Variants in NR3C2 observed in about 807,000 individuals in gnomAD.
The protein encoded by NR3C2 is mineralocorticoid receptor.
In NR3C2, 15 loss-of-function variants were observed where a neutral mutation model predicts 86.4. That is an observed-to-expected ratio of 0.17 (90% CI 0.12 to 0.27). NR3C2 has a LOEUF of 0.27. NR3C2 is among the 10% of genes least tolerant of loss of function. The probability of loss-of-function intolerance (pLI) is 1.00; values close to 1 mark genes in which losing one functional copy is unlikely to be tolerated. For synonymous variants in NR3C2, 458 were observed against 450.5 expected (o/e 1.02, Z -0.21); for missense variants, 960 against 1,195.6 (o/e 0.80, Z 2.91).
intron 4 of NR3C2, among the ~76,000 whole-genome samples, chr4:148,157,474 A>T (rs545902890): frequency 6.6e-6 from 1 of 152,300 alleles, no homozygotes; most frequent in South Asian, 2.1e-4. Context: ...GAAATATAAG[A>T]TCACACATCT....
At chr4:148,181,337 C>A (rs1735634759) in intron 4 of NR3C2, among the ~76,000 whole-genome samples, 1 of 152,102 alleles carries the variant, frequency 6.6e-6, no homozygotes, top group African/African-American at 2.4e-5. Flanking sequence ...TAATTAGGAT[C>A]CTTACACTGT....
At chr4:148,193,897 T>C (rs544122003) in intron 4 of NR3C2, among the ~76,000 whole-genome samples, 1 of 152,344 alleles carries the variant, frequency 6.6e-6, no homozygotes, top group East Asian at 1.9e-4. Context: ...CCAATTGTCA[T>C]AGTATTTTCT....
chr4:148,135,102 G>A (rs527869259), intron 6 of NR3C2, among the ~76,000 whole-genome samples: 1 of 152,272 alleles, frequency 6.6e-6, no homozygotes, highest in African/African-American at 2.4e-5. Flanking sequence ...AAGGGGGCAG[G>A]GGCAGCCACT....
chr4:148,128,724 G>A (rs1732867166), intron 6 of NR3C2, among the ~76,000 whole-genome samples: 2 of 152,274 alleles, frequency 1.3e-5, no homozygotes. Context: ...AGTTTTAGGG[G>A]CATGCTTACC....
intron 2 of NR3C2, among the ~76,000 whole-genome samples, chr4:148,370,195 G>A (rs1746346178): frequency 6.6e-6 from 1 of 152,172 alleles, no homozygotes. Context: ...CCTACGAAAG[G>A]AAACCTGAAC....
intron 2 of NR3C2, among the ~76,000 whole-genome samples, chr4:148,388,891 C>G (rs1747401456): frequency 2.0e-5 from 3 of 152,152 alleles, no homozygotes; most frequent in African/African-American, 7.2e-5. Flanking sequence ...TAACATCTAT[C>G]CATAGCAAGC....
At chr4:148,258,760 C>CT (rs1437930205) in intron 3 of NR3C2, among the ~76,000 whole-genome samples, 1 of 152,214 alleles carries the variant, frequency 6.6e-6, no homozygotes, top group Non-Finnish European at 1.5e-5. Context: ...AACGACCTGG[C>CT]TTAAGACCAT....
intron 3 of NR3C2, among the ~76,000 whole-genome samples, chr4:148,195,383 A>G (rs3910054): frequency 0.74 from 112,933 of 152,182 alleles, 42,940 homozygotes; most frequent in African/African-American, 0.92. Context: ...TTAGAGAGTG[A>G]CATCTATTGG....
chr4:148,201,140 C>T (rs966161492), intron 3 of NR3C2: 2 of 152,180 alleles, frequency 1.3e-5, no homozygotes, highest in Non-Finnish European at 2.9e-5. Context: ...TCTGTAGAGC[C>T]TGCACAGTCA....
intron 6 of NR3C2, among the ~76,000 whole-genome samples, chr4:148,142,751 T>C (rs139385008): frequency 4.6e-4 from 70 of 152,346 alleles, no homozygotes; most frequent in African/African-American, 1.7e-3. Context: ...TCCGCCTGCA[T>C]GGCCTCCCGA....
At chr4:148,440,577 C>CA (rs1259594329) in intron 1 of NR3C2, among the ~76,000 whole-genome samples, 5 of 152,080 alleles carry the variant, frequency 3.3e-5, no homozygotes, top group African/African-American at 4.8e-5. Context: ...AGGACAAATG[C>CA]AAAAAACATT....
intron 2 of NR3C2, among the ~76,000 whole-genome samples, chr4:148,264,958 T>C (rs1225894833): frequency 1.3e-5 from 2 of 152,220 alleles, no homozygotes; most frequent in African/African-American, 2.4e-5. Flanking sequence ...AAGCAATAGA[T>C]GGTATTCTGC....
chr4:148,259,576 G>T (rs538441803), intron 3 of NR3C2, among the ~76,000 whole-genome samples: 1 of 152,168 alleles, frequency 6.6e-6, no homozygotes, highest in Non-Finnish European at 1.5e-5. Flanking sequence ...TGATATTAAC[G>T]TTTTAATTTG....
intron 6 of NR3C2, among the ~76,000 whole-genome samples, chr4:148,139,385 T>C (rs1414014400): frequency 6.6e-6 from 1 of 152,106 alleles, no homozygotes; most frequent in Non-Finnish European, 1.5e-5. Context: ...TTGGAGATAG[T>C]ATTTAGCACG....
chr4:148,266,745 G>A (rs907254308), intron 2 of NR3C2, among the ~76,000 whole-genome samples: 10 of 152,252 alleles, frequency 6.6e-5, no homozygotes, highest in Admixed American at 1.3e-4. Context: ...TGCAGAAGTC[G>A]GTGACCTTGG....
chr4:148,247,862 T>C (rs1739392374), intron 3 of NR3C2, among the ~76,000 whole-genome samples: 1 of 152,142 alleles, frequency 6.6e-6, no homozygotes, highest in South Asian at 2.1e-4. Flanking sequence ...CATGGGTTGA[T>C]GTTCTAAGTT....
intron 4 of NR3C2, 41 bp downstream of exon 4, chr4:148,194,705 C>A (rs1448931961): frequency 2.3e-6 from 3 of 1,308,636 alleles, no homozygotes; most frequent in African/African-American, 1.4e-5. Flanking sequence ...TGTTGCATTA[C>A]CTATTAACAA....
Position 148,080,794 on chromosome 4 carries a change from G to A in NR3C2, c.*550C>T, listed in dbSNP as rs1044653399. The A allele has an allele frequency of 7.1e-6, 3 of 423,148 alleles. No individual in the cohort carries two copies. Among genetic ancestry groups the A allele is most frequent in the African/African-American group, 4.0e-5 (2 of 49,516 alleles). The allele number at this position is 423,148 out of a possible 1,614,324, so 26.2% of individuals were successfully genotyped here. A position where few individuals can be genotyped will look rare whatever the true frequency, so the allele number is the denominator to read the frequency against. ...ACCAGTGATGCAGAAGACCGTGGAC[G>A]AGCGAGGGCTCAGAGGCAGCTGCTG... On this transcript the variant is annotated 3_prime_UTR_variant, in exon 9 of 9. Transcript: ENST00000358102.
intron 3 of NR3C2, among the ~76,000 whole-genome samples, chr4:148,203,114 C>G (rs1411475610): frequency 6.6e-6 from 1 of 152,090 alleles, no homozygotes; most frequent in Non-Finnish European, 1.5e-5. Context: ...ATATTTATCA[C>G]TCTCTGAATG....
Sources: gnomAD v4.1 joint callset for allele counts (sites outside exome capture counted in the v4.1 genomes callset) on GRCh38, gnomAD v4.1.1 for gene constraint, MANE v1.5 for transcripts, NCBI Gene and HGNC (gene_info 2026-07-23, HGNC 2026-07-21) for gene names.